PIN4: variants seen among roughly 807,000 people sequenced by gnomAD.
The protein encoded by PIN4 is peptidyl-prolyl cis-trans isomerase NIMA-interacting 4.
Under a neutral mutation model 8.3 loss-of-function variants are expected in PIN4, and 3 were observed. The observed-to-expected ratio is 0.36, with a 90% confidence interval of 0.16 to 0.93. The LOEUF (loss-of-function observed/expected upper bound fraction) is 0.93, where lower values mean the gene tolerates loss of function less well. Among genes scored for constraint, PIN4 ranks in the 40% least tolerant of loss-of-function variants. PIN4 has a pLI of 0.44. For missense variants in PIN4, 75 were observed against 100.6 expected (o/e 0.75, Z 1.09); for synonymous variants, 18 against 32.5 (o/e 0.55, Z 1.52).
intron 3 of PIN4, among the ~76,000 whole-genome samples, chrX:72,233,654 G>A (rs1404902099): frequency 9.6e-6 from 1 of 103,918 alleles, no homozygotes; most frequent in Admixed American, 1.1e-4. Context: ...CCCAGGAGGC[G>A]AAGTTTACAG....
chrX:72,226,805 C>T (rs2042956769), intron 3 of PIN4, among the ~76,000 whole-genome samples: 1 of 111,530 alleles, frequency 9.0e-6, no homozygotes. Flanking sequence ...CAAGTCAAAC[C>T]CCCATACTGC....
At chrX:72,238,248 A>G (rs1421339516) in intron 3 of PIN4, among the ~76,000 whole-genome samples, 1 of 111,908 alleles carries the variant, frequency 8.9e-6, no homozygotes, top group Non-Finnish European at 1.9e-5. Flanking sequence ...AAAAATTTAA[A>G]TTCTCATCCC....
intron 3 of PIN4, 121 bp downstream of exon 3, chrX:72,197,025 C>T: frequency 1.6e-6 from 1 of 642,004 alleles, no homozygotes; most frequent in Admixed American, 3.9e-5. Flanking sequence ...AAGTAGGGAT[C>T]ATTCCTTTGT....
intron 3 of PIN4, among the ~76,000 whole-genome samples, chrX:72,215,088 A>G (rs749067523): frequency 6.2e-5 from 7 of 112,538 alleles, no homozygotes; most frequent in Non-Finnish European, 1.1e-4. Context: ...GAATTTATAC[A>G]TGTATGAATC....
At chrX:72,252,685 C>T (rs1053029570) in intron 3 of PIN4, among the ~76,000 whole-genome samples, 15 of 112,253 alleles carry the variant, frequency 1.3e-4, no homozygotes, top group Middle Eastern at 4.6e-3. Context: ...CCACCGCGCC[C>T]GGTCCCTCCA....
chrX:72,223,103 G>A (rs772159262), intron 3 of PIN4, among the ~76,000 whole-genome samples: 12 of 101,290 alleles, frequency 1.2e-4, no homozygotes, highest in Non-Finnish European at 6.0e-5. Context: ...TTTGGAGGCC[G>A]AGGCAGGCGG....
chrX:72,232,174 G>A (rs2042987161), intron 3 of PIN4, among the ~76,000 whole-genome samples: 1 of 105,878 alleles, frequency 9.4e-6, no homozygotes, highest in Non-Finnish European at 1.9e-5. Context: ...ATAAAATAAT[G>A]CCAAAGTAAA....
intron 3 of PIN4, among the ~76,000 whole-genome samples, chrX:72,261,218 T>G (rs1322420567): frequency 9.6e-6 from 1 of 104,522 alleles, no homozygotes; most frequent in African/African-American, 3.6e-5. Context: ...ATTTCTTGAA[T>G]CCGGGAGGCG....
chrX:72,224,949 T>C (rs146815399), intron 3 of PIN4, among the ~76,000 whole-genome samples: 2,289 of 111,061 alleles, frequency 0.021, 65 homozygotes, highest in African/African-American at 0.072. Context: ...TACTGACTTT[T>C]GGCTGCCAAT....
intron 3 of PIN4, among the ~76,000 whole-genome samples, chrX:72,212,920 T>G (rs1335522379): frequency 9.0e-6 from 1 of 111,404 alleles, no homozygotes; most frequent in Non-Finnish European, 1.9e-5. Context: ...CACTCCAGCC[T>G]GGGCTACAGA....
intron 3 of PIN4, chrX:72,255,663 T>G (rs1460415258): frequency 9.0e-6 from 1 of 111,596 alleles, no homozygotes; most frequent in Non-Finnish European, 1.9e-5. Context: ...GACAGCTCTG[T>G]GCAAAACAAC....
At chrX:72,248,014 G>C (rs1442346969) in intron 3 of PIN4, among the ~76,000 whole-genome samples, 1 of 111,033 alleles carries the variant, frequency 9.0e-6, no homozygotes, top group African/African-American at 3.3e-5. Flanking sequence ...TCCTTTGTGA[G>C]CAGCTAATTT....
intron 3 of PIN4, among the ~76,000 whole-genome samples, chrX:72,229,395 T>C (rs976865323): frequency 8.9e-6 from 1 of 111,894 alleles, no homozygotes; most frequent in African/African-American, 3.2e-5. Flanking sequence ...CCTTTTTCCA[T>C]GGCTCAATAT....
At chrX:72,197,302 C>G (rs2042771586) in intron 3 of PIN4, 66 bp from the exon 4 acceptor site, 7 of 1,024,064 alleles carry the variant, frequency 6.8e-6, no homozygotes, top group Non-Finnish European at 8.0e-6. Context: ...GAAATTCTCT[C>G]AAGCTACAGT....
intron 3 of PIN4, among the ~76,000 whole-genome samples, chrX:72,251,085 C>T (rs1438738201): frequency 3.0e-5 from 3 of 98,721 alleles, no homozygotes; most frequent in African/African-American, 1.1e-4. Flanking sequence ...GGGCCGGGTG[C>T]GGTGGCTCAC....
intron 2 of PIN4, among the ~76,000 whole-genome samples, chrX:72,193,156 C>G (rs1323361803): frequency 2.7e-5 from 3 of 111,627 alleles, no homozygotes; most frequent in African/African-American, 9.8e-5. Context: ...CTCTTTGTCG[C>G]ACTGTCTAAA....
chrX:72,183,938 T>G (rs1456240812), intron 1 of PIN4, among the ~76,000 whole-genome samples: 1 of 110,730 alleles, frequency 9.0e-6, no homozygotes, highest in African/African-American at 3.3e-5. Flanking sequence ...AGGAGAGTGG[T>G]AAAGGTCTGG....
intron 3 of PIN4, among the ~76,000 whole-genome samples, chrX:72,258,945 G>T (rs184404963): frequency 1.2e-5 from 1 of 83,922 alleles, no homozygotes; most frequent in East Asian, 8.2e-4. Context: ...ATAAGTTCCC[G>T]CCAGAAAATA....
intron 3 of PIN4, among the ~76,000 whole-genome samples, chrX:72,217,366 T>C (rs1443617638): frequency 8.9e-6 from 1 of 111,901 alleles, no homozygotes; most frequent in Non-Finnish European, 1.9e-5. Flanking sequence ...TTTTGAGCCA[T>C]ATAGTTTGGT....
Sources: gnomAD v4.1 joint callset for allele counts (sites outside exome capture counted in the v4.1 genomes callset) on GRCh38, gnomAD v4.1.1 for gene constraint, MANE v1.5 for transcripts, NCBI Gene and HGNC (gene_info 2026-07-23, HGNC 2026-07-21) for gene names.